FAM227B: variants seen among roughly 807,000 people sequenced by gnomAD.
The protein encoded by FAM227B is protein FAM227B.
A neutral mutation model predicts 73.8 loss-of-function variants in FAM227B; 88 were observed. The observed-to-expected ratio is 1.19, with a 90% confidence interval of 1.00 to 1.42. The LOEUF is 1.42. Among genes scored for constraint, FAM227B ranks in the 40% most tolerant of loss-of-function variants. The pLI, the probability that FAM227B is intolerant of heterozygous loss-of-function variation, is 0.00. For synonymous variants in FAM227B, 210 were observed against 190.5 expected, an observed-to-expected ratio of 1.10 and a Z score of -0.84; for missense variants, 632 against 590.9, an observed-to-expected ratio of 1.07 and a Z score of -0.72.
chr15:49,330,187 T>C (rs191693642), intron 15 of FAM227B: 1 of 152,236 alleles, frequency 6.6e-6, no homozygotes, highest in Non-Finnish European at 1.5e-5. Flanking sequence ...CCTATGGGTA[T>C]AGGCAAACAT....
intron 10 of FAM227B, among the ~76,000 whole-genome samples, chr15:49,523,552 G>C (rs1284294815): frequency 6.6e-6 from 1 of 152,112 alleles, no homozygotes; most frequent in Non-Finnish European, 1.5e-5. Context: ...CAGCACAAAA[G>C]CAGACTAATT....
intron 10 of FAM227B, among the ~76,000 whole-genome samples, chr15:49,525,227 G>T (rs1435275953): frequency 6.6e-6 from 1 of 152,080 alleles, no homozygotes; most frequent in East Asian, 1.9e-4. Flanking sequence ...AATCATGGGG[G>T]CAGGTTTTTC....
intron 11 of FAM227B, among the ~76,000 whole-genome samples, chr15:49,445,424 C>G (rs1280617435): frequency 6.6e-6 from 1 of 151,526 alleles, no homozygotes; most frequent in Non-Finnish European, 1.5e-5. Context: ...AAATTTTCCT[C>G]TCTAGACATT....
chr15:49,363,764 T>G (rs1207882794), intron 13 of FAM227B, among the ~76,000 whole-genome samples: 1 of 152,146 alleles, frequency 6.6e-6, no homozygotes, highest in East Asian at 1.9e-4. Context: ...CATAGATGGC[T>G]CTTATTATTT....
chr15:49,605,199 G>A (rs1374537589), intron 3 of FAM227B, among the ~76,000 whole-genome samples: 1 of 152,130 alleles, frequency 6.6e-6, no homozygotes, highest in Admixed American at 6.5e-5. Context: ...GAAAATGTAG[G>A]CAGGCCAGCT....
At chr15:49,476,528 C>A (rs960557318) in intron 11 of FAM227B, among the ~76,000 whole-genome samples, 5 of 151,820 alleles carry the variant, frequency 3.3e-5, no homozygotes, top group Non-Finnish European at 7.4e-5. Flanking sequence ...CTTTACTGTC[C>A]ATATTTCACA....
intron 3 of FAM227B, among the ~76,000 whole-genome samples, chr15:49,591,045 A>ATTTTTTTTTTTTTT (rs748799826): frequency 2.8e-5 from 2 of 72,548 alleles, no homozygotes; most frequent in African/African-American, 5.8e-5. Context: ...TTTTTTTTTG[A>ATTTTTTTTTTTTTT]TTTTTTTTTT....
At chr15:49,380,470 T>A (rs201233918) in intron 11 of FAM227B, among the ~76,000 whole-genome samples, 6 of 151,138 alleles carry the variant, frequency 4.0e-5, no homozygotes, top group Admixed American at 2.0e-4. Flanking sequence ...TAAAAAAAAA[T>A]ATATTTAATA....
At chr15:49,583,110 C>A (rs368898561) in intron 5 of FAM227B, among the ~76,000 whole-genome samples, 69 of 150,358 alleles carry the variant, frequency 4.6e-4, no homozygotes, top group African/African-American at 1.6e-3. Context: ...TAGCAGAAGA[C>A]AAAAATAACC....
At chr15:49,394,344 G>C (rs73398243) in intron 11 of FAM227B, among the ~76,000 whole-genome samples, 1 of 152,044 alleles carries the variant, frequency 6.6e-6, no homozygotes, top group Non-Finnish European at 1.5e-5. Flanking sequence ...GTGGGAATTT[G>C]TGGAGGTTCT....
At chr15:49,347,578 G>A (rs939424387) in intron 13 of FAM227B, among the ~76,000 whole-genome samples, 4 of 152,078 alleles carry the variant, frequency 2.6e-5, no homozygotes, top group African/African-American at 7.2e-5. Context: ...CATACTGAAC[G>A]AGTATTCTTA....
intron 9 of FAM227B, among the ~76,000 whole-genome samples, chr15:49,558,753 T>C (rs1346966351): frequency 1.3e-5 from 2 of 152,124 alleles, no homozygotes; most frequent in Admixed American, 6.5e-5. Flanking sequence ...TCAGGACTCA[T>C]ACCCATTGCT....
chr15:49,365,063 A>C, intron 13 of FAM227B: 1 of 563,598 alleles, frequency 1.8e-6, no homozygotes, highest in South Asian at 2.6e-5. Flanking sequence ...AAATCAATTT[A>C]AAAAGTCAAA....
At chr15:49,392,301 T>C (rs1277841481) in intron 11 of FAM227B, among the ~76,000 whole-genome samples, 2 of 152,130 alleles carry the variant, frequency 1.3e-5, no homozygotes, top group Non-Finnish European at 2.9e-5. Flanking sequence ...AGGATTGAGT[T>C]CTAGTAAAAC....
At chr15:49,450,197 A>G (rs963291321) in intron 11 of FAM227B, among the ~76,000 whole-genome samples, 2 of 152,154 alleles carry the variant, frequency 1.3e-5, no homozygotes, top group African/African-American at 4.8e-5. Flanking sequence ...TTTAGTTTCT[A>G]TATCAAGACT....
At chr15:49,358,687 C>T (rs1172152745) in intron 13 of FAM227B, among the ~76,000 whole-genome samples, 1 of 150,386 alleles carries the variant, frequency 6.6e-6, no homozygotes, top group Non-Finnish European at 1.5e-5. Flanking sequence ...GATTCAATGC[C>T]ATCCCCATCA....
rs543338092 is a variant in FAM227B, at chr15:49,427,558, A to C, written c.1013-56159T>G. The stretch of plus-strand genomic sequence containing the variant: ...AGTGTCTTGGAAGATAAAATTTTAC[A>C]TGAAAAGTAATATGCCAGCTATGCA... On this transcript the variant is annotated intron_variant, in intron 11 of 15. Transcript: ENST00000299338. 9.5e-4 allele frequency among the ~76,000 whole-genome samples: 144 copies of C among 152,138 alleles called. 5 individuals carry two copies. In the South Asian group the frequency reaches 0.027, roughly 29 times the overall value.
chr15:49,382,691 T>C (rs1341652319), intron 11 of FAM227B, among the ~76,000 whole-genome samples: 2 of 152,112 alleles, frequency 1.3e-5, no homozygotes. Flanking sequence ...TCTTATTCAT[T>C]ACACTCTTCA....
rs551423693 is a variant in FAM227B, at chr15:49,512,682, C to T, written c.875-4334G>A. On this transcript the variant is annotated intron_variant, in intron 10 of 15. Coordinates refer to ENST00000299338, the MANE Select transcript of FAM227B (RefSeq NM_152647.3). The stretch of plus-strand genomic sequence containing the variant: ...CATGGTGGTTTGCTGCACCTATGAA[C>T]CTGTCACCTAGGTTTTAAGCCCTGC... Among the ~76,000 whole-genome samples, 12 of 152,114 alleles carry T rather than the reference C, an allele frequency of 7.9e-5. No homozygotes were observed. In the South Asian group the frequency reaches 2.3e-3, roughly 29 times the overall value.
Sources: allele counts gnomAD v4.1 joint callset (sites outside exome capture counted in the v4.1 genomes callset), GRCh38; gene constraint gnomAD v4.1.1; transcripts MANE v1.5; gene names NCBI Gene and HGNC (gene_info 2026-07-23, HGNC 2026-07-21).